Variants in CFAP276 observed in about 807,000 individuals in gnomAD.
CFAP276 encodes the protein cilia and flagella associated protein 276.
the CFAP276 span, chr1:109,113,575 A>ATGGATT: frequency 6.4e-7 from 1 of 1,571,004 alleles, no homozygotes; most frequent in East Asian, 2.3e-5. Context: ...AAAAGCACGG[A>ATGGATT]TGGATTTGGC....
chr1:109,108,333 G>C, the CFAP276 span, among the ~76,000 whole-genome samples: 1 of 152,094 alleles, frequency 6.6e-6, no homozygotes, highest in Non-Finnish European at 1.5e-5. Flanking sequence ...AGTAGAAACA[G>C]AGTTTCACCA....
chr1:109,105,955 T>C, the CFAP276 span: 1 of 1,161,882 alleles, frequency 8.6e-7, no homozygotes, highest in Non-Finnish European at 1.2e-6. Flanking sequence ...TCAGACTTCA[T>C]CTTGCACAAA....
At chr1:109,108,963 A>C in the CFAP276 span, among the ~76,000 whole-genome samples, 295 of 152,320 alleles carry the variant, frequency 1.9e-3, 1 homozygote, top group Non-Finnish European at 3.5e-3. Context: ...AGTCCACTGG[A>C]CATTAGTCCT....
At chr1:109,109,321 G>A in the CFAP276 span, among the ~76,000 whole-genome samples, 456 of 151,454 alleles carry the variant, frequency 3.0e-3, 2 homozygotes, top group African/African-American at 0.01. Flanking sequence ...AGTGGTGGGC[G>A]CCTGTAATCT....
the CFAP276 span, among the ~76,000 whole-genome samples, chr1:109,108,699 T>C: frequency 6.6e-6 from 1 of 152,182 alleles, no homozygotes; most frequent in African/African-American, 2.4e-5. Context: ...GGTAGAAAAT[T>C]GGAAGTGTAA....
the CFAP276 span, chr1:109,107,173 TC>T: frequency 7.1e-7 from 1 of 1,406,116 alleles, no homozygotes; most frequent in Non-Finnish European, 1.0e-6. Context: ...GTGTCCCTGC[TC>T]TAGTCAGGTT....
At chr1:109,109,533 CTTTTTTTTTT>C in the CFAP276 span, among the ~76,000 whole-genome samples, 1 of 114,968 alleles carries the variant, frequency 8.7e-6, no homozygotes, top group Non-Finnish European at 1.7e-5. Flanking sequence ...TGAGCCATAC[CTTTTTTTTTT>C]TTTTTTTTTT....
the CFAP276 span, among the ~76,000 whole-genome samples, chr1:109,111,489 C>A: frequency 8.1e-6 from 1 of 123,144 alleles, no homozygotes; most frequent in Non-Finnish European, 1.6e-5. Flanking sequence ...AAAAAAATAT[C>A]CCACAATGAT....
the CFAP276 span, chr1:109,106,035 G>C: frequency 2.5e-6 from 4 of 1,613,228 alleles, no homozygotes; most frequent in Non-Finnish European, 3.4e-6. Flanking sequence ...ACACTAGGTG[G>C]AGAAGAAGCC....
chr1:109,113,498 C>T, the CFAP276 span: 1 of 833,178 alleles, frequency 1.2e-6, no homozygotes, highest in Non-Finnish European at 1.8e-6. Flanking sequence ...GAAATTGCGG[C>T]TAAGGCAAAC....
the CFAP276 span, chr1:109,113,609 G>A: frequency 6.2e-7 from 1 of 1,613,022 alleles, no homozygotes; most frequent in East Asian, 2.2e-5. Flanking sequence ...TCCAGGAGTG[G>A]CCTTCGTAGG....
At chr1:109,106,752 A>T in the CFAP276 span, 1 of 1,419,242 alleles carries the variant, frequency 7.0e-7, no homozygotes, top group Non-Finnish European at 9.6e-7. Flanking sequence ...TCAAGAATAA[A>T]GCAGCCAAAG....
the CFAP276 span, among the ~76,000 whole-genome samples, chr1:109,112,921 C>G: frequency 4.6e-5 from 7 of 152,072 alleles, no homozygotes; most frequent in Non-Finnish European, 7.4e-5. Flanking sequence ...TGAGCGGGCC[C>G]GAGACTTGGA....
chr1:109,113,787 G>C, the CFAP276 span: 87 of 1,263,294 alleles, frequency 6.9e-5, no homozygotes, highest in Non-Finnish European at 9.6e-5. Context: ...TGGCTTGGAG[G>C]ATGCTTCCAC....
chr1:109,113,416 A>AAGAGAGAGAGAGAGAG, the CFAP276 span, among the ~76,000 whole-genome samples: 33 of 68,076 alleles, frequency 4.8e-4, 3 homozygotes, highest in African/African-American at 1.2e-3. Flanking sequence ...GAGAGAGAGA[A>AAGAGAGAGAGAGAGAG]AGAGAGAGAG....
chr1:109,112,808 A>G, the CFAP276 span: 4 of 1,419,964 alleles, frequency 2.8e-6, no homozygotes, highest in Non-Finnish European at 3.7e-6. Context: ...CTGCCCAGCC[A>G]TCTATGACAG....
chr1:109,106,788 C>T, the CFAP276 span: 73 of 1,179,944 alleles, frequency 6.2e-5, no homozygotes, highest in Admixed American at 1.9e-4. Flanking sequence ...GTGGGATTAA[C>T]CAAAGATTTT....
the CFAP276 span, chr1:109,113,708 G>A: frequency 6.2e-7 from 1 of 1,613,356 alleles, no homozygotes; most frequent in South Asian, 1.1e-5. Flanking sequence ...CGCCACGTGT[G>A]CAACATCGGA....
chr1:109,113,698 C>T, the CFAP276 span: 18 of 1,613,852 alleles, frequency 1.1e-5, no homozygotes, highest in East Asian at 2.2e-5. Context: ...TCGGTTCACA[C>T]GCCACGTGTG....
Sources: gnomAD v4.1 joint callset for allele counts (sites outside exome capture counted in the v4.1 genomes callset) on GRCh38, gnomAD v4.1.1 for gene constraint, MANE v1.5 for transcripts, NCBI Gene and HGNC (gene_info 2026-07-23, HGNC 2026-07-21) for gene names.